MECOM: variants seen among roughly 807,000 people sequenced by gnomAD.
MECOM encodes MDS1 and EVI1 complex locus.
Under a neutral mutation model 116.3 loss-of-function variants are expected in MECOM, and 13 were observed. The ratio of observed to expected loss-of-function variants is 0.11; its 90% confidence interval spans 0.07 to 0.18. The LOEUF (loss-of-function observed/expected upper bound fraction) is 0.18. Among genes scored for constraint, MECOM ranks in the 10% least tolerant of loss-of-function variants. MECOM has a pLI of 1.00. For missense variants in MECOM, 1,299 were observed against 1,509.0 expected, an observed-to-expected ratio of 0.86 and a Z score of 2.31; for synonymous variants, 528 against 535.2, an observed-to-expected ratio of 0.99 and a Z score of 0.19.
intron 2 of MECOM, among the ~76,000 whole-genome samples, chr3:169,344,298 G>T (rs893295793): frequency 1.9e-4 from 29 of 152,012 alleles, no homozygotes; most frequent in African/African-American, 6.0e-4. Context: ...ATAGTGAGGG[G>T]TTATTTATAG....
chr3:169,466,587 T>G (rs1748341211), intron 1 of MECOM, among the ~76,000 whole-genome samples: 1 of 152,202 alleles, frequency 6.6e-6, no homozygotes, highest in Non-Finnish European at 1.5e-5. Context: ...TTGCACTTTA[T>G]TTGTTTGGGG....
chr3:169,450,342 T>C (rs549830761), intron 1 of MECOM, among the ~76,000 whole-genome samples: 1 of 152,092 alleles, frequency 6.6e-6, no homozygotes, highest in African/African-American at 2.4e-5. Flanking sequence ...ATCAGCAGTC[T>C]AAAGCCAAAG....
chr3:169,657,034 A>G (rs548410928), intron 1 of MECOM, among the ~76,000 whole-genome samples: 4 of 152,362 alleles, frequency 2.6e-5, no homozygotes, highest in Admixed American at 1.3e-4. Flanking sequence ...GGACATACAC[A>G]GATAAAAAAT....
At chr3:169,609,188 C>A (rs557679429) in intron 1 of MECOM, among the ~76,000 whole-genome samples, 34 of 152,206 alleles carry the variant, frequency 2.2e-4, no homozygotes, top group Admixed American at 3.9e-4. Flanking sequence ...GGGACCCTGA[C>A]ACCAATTCAG....
intron 2 of MECOM, among the ~76,000 whole-genome samples, chr3:169,157,804 T>C (rs1231281925): frequency 1.3e-5 from 2 of 152,020 alleles, no homozygotes; most frequent in African/African-American, 4.8e-5. Flanking sequence ...GCCCTACAAC[T>C]AGAAGGGGGG....
chr3:169,112,897 T>G, intron 8 of MECOM, 23 bp from the exon 9 acceptor site: 4 of 1,559,022 alleles, frequency 2.6e-6, no homozygotes, highest in Non-Finnish European at 2.6e-6. Flanking sequence ...AATTAGATTT[T>G]GGAGATGAAG....
At chr3:169,094,373 T>C (rs1235603405) in intron 13 of MECOM, among the ~76,000 whole-genome samples, 4 of 152,194 alleles carry the variant, frequency 2.6e-5, no homozygotes, top group African/African-American at 4.8e-5. Flanking sequence ...TGCACACATA[T>C]GCCAGCTGGC....
intron 1 of MECOM, among the ~76,000 whole-genome samples, chr3:169,528,074 G>T: frequency 6.6e-6 from 1 of 152,184 alleles, no homozygotes; most frequent in Non-Finnish European, 1.5e-5. Flanking sequence ...CATGGGAACA[G>T]ACTTCCTCCT....
chr3:169,344,420 G>A (rs570527472), intron 2 of MECOM, among the ~76,000 whole-genome samples: 3 of 152,064 alleles, frequency 2.0e-5, no homozygotes, highest in Non-Finnish European at 4.4e-5. Flanking sequence ...AGAGTATAAA[G>A]TGCTCAAGCG....
chr3:169,178,156 T>A (rs1745449658), intron 2 of MECOM, among the ~76,000 whole-genome samples: 1 of 151,686 alleles, frequency 6.6e-6, no homozygotes, highest in Non-Finnish European at 1.5e-5. Flanking sequence ...AAGGAAGGAA[T>A]ACATGTATAT....
intron 1 of MECOM, among the ~76,000 whole-genome samples, chr3:169,594,548 G>A (rs560442263): frequency 6.6e-6 from 1 of 151,850 alleles, no homozygotes; most frequent in Admixed American, 6.6e-5. Flanking sequence ...GCTACAGTTC[G>A]ACAACCACTA....
chr3:169,149,227 A>C (rs1740723483), intron 2 of MECOM, among the ~76,000 whole-genome samples: 1 of 152,118 alleles, frequency 6.6e-6, no homozygotes, highest in East Asian at 1.9e-4. Flanking sequence ...TGCTTCAGAC[A>C]GTGCGGCCTG....
chr3:169,088,720 C>T (rs1718658756), intron 16 of MECOM, among the ~76,000 whole-genome samples: 1 of 151,908 alleles, frequency 6.6e-6, no homozygotes, highest in African/African-American at 2.4e-5. Context: ...ACTAACTGTA[C>T]AAAAGTAAGA....
At chr3:169,552,956 T>C (rs1022597829) in intron 1 of MECOM, among the ~76,000 whole-genome samples, 1 of 151,998 alleles carries the variant, frequency 6.6e-6, no homozygotes, top group Non-Finnish European at 1.5e-5. Context: ...GTTGTGCACA[T>C]CAGAAACCTT....
At chr3:169,350,408 C>T (rs950014338) in intron 2 of MECOM, among the ~76,000 whole-genome samples, 6 of 151,818 alleles carry the variant, frequency 4.0e-5, no homozygotes, top group Non-Finnish European at 8.8e-5. Flanking sequence ...GTGCTTCCTT[C>T]TCTGTCATAA....
intron 1 of MECOM, among the ~76,000 whole-genome samples, chr3:169,416,173 G>A (rs915860183): frequency 2.4e-4 from 37 of 152,080 alleles, no homozygotes; most frequent in African/African-American, 8.7e-4. Flanking sequence ...ATAACAAACA[G>A]TCTCTCCAAC....
chr3:169,465,444 T>TAAATA (rs905555063), intron 1 of MECOM, among the ~76,000 whole-genome samples: 8 of 152,340 alleles, frequency 5.3e-5, no homozygotes, highest in Non-Finnish European at 1.2e-4. Flanking sequence ...ATTCATTATA[T>TAAATA]AAATAAAATA....
At chr3:169,263,094 TATATATATATATATATATATATATATATA>T (rs1757761843) in intron 2 of MECOM, among the ~76,000 whole-genome samples, 1 of 61,416 alleles carries the variant, frequency 1.6e-5, no homozygotes, top group African/African-American at 1.2e-4. Flanking sequence ...TATATATATA[TATATATATATATATATATATATATATATA>T]TATATGTTTT....
intron 2 of MECOM, among the ~76,000 whole-genome samples, chr3:169,281,827 A>C (rs182252858): frequency 6.6e-6 from 1 of 152,078 alleles, no homozygotes; most frequent in Non-Finnish European, 1.5e-5. Flanking sequence ...AATTTTTTTT[A>C]AAAAAAGACT....
Sources: allele counts gnomAD v4.1 joint callset (sites outside exome capture counted in the v4.1 genomes callset), GRCh38; gene constraint gnomAD v4.1.1; transcripts MANE v1.5; gene names NCBI Gene and HGNC (gene_info 2026-07-23, HGNC 2026-07-21).